GMDS: variants seen among roughly 807,000 people sequenced by gnomAD.
GMDS encodes GDP-mannose 4,6-dehydratase.
GMDS carries 20 observed loss-of-function variants against 49.9 expected under a neutral mutation model. The ratio of observed to expected loss-of-function variants is 0.40; its 90% CI spans 0.28 to 0.58. The LOEUF is 0.58. Among genes scored for constraint, GMDS ranks in the 20% least tolerant of loss-of-function variants. The pLI is 0.42. For missense variants in GMDS, 362 were observed against 481.4 expected (o/e 0.75, Z 2.32); for synonymous variants, 177 against 178.6 (o/e 0.99, Z 0.07).
chr6:2,190,178 G>C (rs1778951053), intron 1 of GMDS, among the ~76,000 whole-genome samples: 1 of 152,062 alleles, frequency 6.6e-6, no homozygotes, highest in Non-Finnish European at 1.5e-5. Flanking sequence ...AGGGAAAAAA[G>C]AGCAAATGTG....
chr6:1,760,126 G>A (rs142940737), intron 7 of GMDS, among the ~76,000 whole-genome samples: 19 of 152,162 alleles, frequency 1.2e-4, no homozygotes, highest in African/African-American at 3.9e-4. Context: ...CCACGAGGAG[G>A]GAGGGAGTGA....
At chr6:2,042,657 C>T (rs569183473) in intron 4 of GMDS, among the ~76,000 whole-genome samples, 2 of 152,268 alleles carry the variant, frequency 1.3e-5, no homozygotes, top group Non-Finnish European at 2.9e-5. Flanking sequence ...CCTGAATTTT[C>T]AACATGGAGT....
At chr6:2,065,142 G>C (rs1771475331) in intron 4 of GMDS, among the ~76,000 whole-genome samples, 2 of 152,134 alleles carry the variant, frequency 1.3e-5, no homozygotes, top group Admixed American at 6.5e-5. Flanking sequence ...CTAACTGGGA[G>C]GCACCCCCCA....
At chr6:2,006,421 C>G (rs1767177505) in intron 4 of GMDS, among the ~76,000 whole-genome samples, 1 of 152,028 alleles carries the variant, frequency 6.6e-6, no homozygotes, top group Non-Finnish European at 1.5e-5. Flanking sequence ...CAGCAAGATC[C>G]TGTCTCCAGA....
chr6:1,946,345 T>C (rs1394974580), intron 6 of GMDS, among the ~76,000 whole-genome samples: 1 of 152,164 alleles, frequency 6.6e-6, no homozygotes, highest in South Asian at 2.1e-4. Flanking sequence ...TATCCTTCAC[T>C]ACTATGGGAA....
intron 7 of GMDS, among the ~76,000 whole-genome samples, chr6:1,809,129 T>C (rs773338776): frequency 2.6e-5 from 4 of 152,244 alleles, no homozygotes; most frequent in Non-Finnish European, 2.9e-5. Flanking sequence ...GAGGGATTTA[T>C]GTTTTTTCAA....
At chr6:2,119,078 TA>T (rs577737513) in intron 2 of GMDS, among the ~76,000 whole-genome samples, 5 of 152,018 alleles carry the variant, frequency 3.3e-5, no homozygotes, top group Admixed American at 6.6e-5. Context: ...TTTTATTAAA[TA>T]AAAAAAGTCT....
chr6:1,875,102 G>T (rs188547801), intron 7 of GMDS, among the ~76,000 whole-genome samples: 15 of 152,010 alleles, frequency 9.9e-5, no homozygotes, highest in Non-Finnish European at 1.9e-4. Context: ...CCCTATTTGG[G>T]TTACCTATTC....
At chr6:1,843,717 G>C (rs966491424) in intron 7 of GMDS, among the ~76,000 whole-genome samples, 1 of 152,218 alleles carries the variant, frequency 6.6e-6, no homozygotes. Flanking sequence ...GCGCTGAGCA[G>C]AGATCGTGCC....
intron 4 of GMDS, among the ~76,000 whole-genome samples, chr6:2,036,762 A>C (rs868556522): frequency 4.5e-4 from 68 of 152,220 alleles, no homozygotes; most frequent in African/African-American, 1.6e-3. Flanking sequence ...AACCATAAAC[A>C]AGATAAAACA....
chr6:2,176,652 G>T (rs1778298196), intron 1 of GMDS, among the ~76,000 whole-genome samples: 1 of 152,144 alleles, frequency 6.6e-6, no homozygotes, highest in African/African-American at 2.4e-5. Context: ...GTGCAAGGAA[G>T]CAAGAAAGGT....
intron 1 of GMDS, among the ~76,000 whole-genome samples, chr6:2,173,008 T>C (rs1409157663): frequency 6.6e-6 from 1 of 152,314 alleles, no homozygotes; most frequent in African/African-American, 2.4e-5. Context: ...ACATAAACTG[T>C]ACACAATGCC....
At chr6:1,946,907 C>T (rs956639607) in intron 6 of GMDS, among the ~76,000 whole-genome samples, 47 of 152,202 alleles carry the variant, frequency 3.1e-4, no homozygotes, top group Non-Finnish European at 1.5e-4. Context: ...CCCCATCCCC[C>T]AAATCTGGCT....
chr6:2,034,200 A>G (rs1372339008), intron 4 of GMDS, among the ~76,000 whole-genome samples: 2 of 152,218 alleles, frequency 1.3e-5, no homozygotes, highest in Non-Finnish European at 2.9e-5. Context: ...GACAGACAGT[A>G]ACTATTTTAA....
intron 7 of GMDS, among the ~76,000 whole-genome samples, chr6:1,876,546 C>T (rs980176420): frequency 1.3e-5 from 2 of 152,146 alleles, no homozygotes; most frequent in East Asian, 1.9e-4. Context: ...AGTAGAAAGA[C>T]GAGGGTTCAT....
chr6:1,694,095 C>T (rs1765260682), intron 9 of GMDS, among the ~76,000 whole-genome samples: 2 of 152,110 alleles, frequency 1.3e-5, no homozygotes, highest in Non-Finnish European at 2.9e-5. Context: ...TGTGTTTGAA[C>T]AATGGTAGCA....
intron 4 of GMDS, among the ~76,000 whole-genome samples, chr6:2,007,316 T>C (rs1375509943): frequency 6.6e-6 from 1 of 152,178 alleles, no homozygotes; most frequent in Non-Finnish European, 1.5e-5. Context: ...CAGCACACCA[T>C]AAGCATTCCC....
intron 1 of GMDS, among the ~76,000 whole-genome samples, chr6:2,151,121 G>A (rs901286299): frequency 7.2e-5 from 11 of 151,786 alleles, no homozygotes; most frequent in African/African-American, 2.2e-4. Context: ...AGCACAACAG[G>A]GAGACAATCA....
chr6:1,687,241 A>T (rs543463904), intron 9 of GMDS, among the ~76,000 whole-genome samples: 6 of 151,924 alleles, frequency 3.9e-5, no homozygotes, highest in Non-Finnish European at 8.8e-5. Context: ...CTACAGCAAC[A>T]CCCCCAAGGC....
Sources: gnomAD v4.1 joint callset for allele counts (sites outside exome capture counted in the v4.1 genomes callset) on GRCh38, gnomAD v4.1.1 for gene constraint, MANE v1.5 for transcripts, NCBI Gene and HGNC (gene_info 2026-07-23, HGNC 2026-07-21) for gene names.